FER: variants seen among roughly 807,000 people sequenced by gnomAD.
FER encodes FER tyrosine kinase.
A neutral mutation model predicts 111.0 loss-of-function variants in FER; 63 were observed. The observed-to-expected ratio is 0.57, with a 90% confidence interval of 0.46 to 0.70. FER has a LOEUF of 0.70. Ranked by LOEUF, FER falls within the 30% of genes least tolerant of loss-of-function variation. FER has a pLI of 0.00. For missense variants in FER, 914 were observed against 954.0 expected (o/e 0.96, Z 0.55); for synonymous variants, 327 against 313.9 (o/e 1.04, Z -0.44).
chr5:109,031,201 T>G (rs1769556294), intron 13 of FER, among the ~76,000 whole-genome samples: 2 of 151,894 alleles, frequency 1.3e-5, no homozygotes, highest in South Asian at 4.2e-4. Context: ...ATGTTGGGAG[T>G]CAAACTGCCT....
intron 16 of FER, among the ~76,000 whole-genome samples, chr5:109,089,741 C>T (rs1314213084): frequency 6.6e-6 from 1 of 152,204 alleles, no homozygotes; most frequent in Non-Finnish European, 1.5e-5. Context: ...TATTTCTCAG[C>T]TTGCAATTTC....
chr5:108,969,992 A>G (rs1345296860), intron 13 of FER, among the ~76,000 whole-genome samples: 1 of 147,946 alleles, frequency 6.8e-6, no homozygotes, highest in Non-Finnish European at 1.5e-5. Context: ...CTAAAATTAT[A>G]TTACATGCTA....
intron 10 of FER, among the ~76,000 whole-genome samples, chr5:108,901,588 T>C (rs757245884): frequency 6.6e-6 from 1 of 152,166 alleles, no homozygotes; most frequent in Non-Finnish European, 1.5e-5. Flanking sequence ...ATATAATAAA[T>C]AATAATCACT....
rs1561835692 is a variant in FER at position 109,055,623 on chromosome 5, A to AT, written c.1924+8425_1924+8426insT. ...AACGTAGTGAGATCCTGTCTCTATG[A>AT]CTTTTTTTTTTAAATTAACCAGACA... On this transcript the variant is annotated intron_variant, in intron 16 of 19. Transcript: ENST00000281092. 9.7e-3 allele frequency among the ~76,000 whole-genome samples: 1,468 copies of AT among 150,648 alleles called. 18 individuals carry two copies. Among genetic ancestry groups the AT allele is most frequent in the African/African-American group, 0.034 (1,392 of 41,148 alleles).
chr5:108,998,498 A>G (rs1485019022), intron 13 of FER, among the ~76,000 whole-genome samples: 1 of 152,158 alleles, frequency 6.6e-6, no homozygotes, highest in African/African-American at 2.4e-5. Flanking sequence ...AACCAGTCCC[A>G]GTGAGATGAA....
At chr5:109,040,571 T>C (rs1323835838) in intron 14 of FER, among the ~76,000 whole-genome samples, 1 of 152,232 alleles carries the variant, frequency 6.6e-6, no homozygotes, top group Middle Eastern at 3.4e-3. Flanking sequence ...CTTGGAATGC[T>C]TTAGGTGAAA....
chr5:109,087,634 A>G (rs191706831), intron 16 of FER, among the ~76,000 whole-genome samples: 1 of 96,050 alleles, frequency 1.0e-5, no homozygotes, highest in East Asian at 2.9e-4. Flanking sequence ...TGGGGTTGTC[A>G]TTGTAATCCT....
At chr5:108,785,528 T>A (rs181934801) in intron 2 of FER, 3 of 554,998 alleles carry the variant, frequency 5.4e-6, no homozygotes, top group South Asian at 4.2e-5. Context: ...GGTGTGAGTG[T>A]GGCAGGTGAC....
chr5:108,876,955 T>A (rs953035279), intron 8 of FER, among the ~76,000 whole-genome samples: 6 of 152,292 alleles, frequency 3.9e-5, no homozygotes, highest in Non-Finnish European at 8.8e-5. Context: ...TGAATCTTTG[T>A]TTTCTCTTTT....
chr5:108,748,498 A>ATGTG (rs1192332748), intron 1 of FER: 5 of 152,254 alleles, frequency 3.3e-5, no homozygotes, highest in Non-Finnish European at 5.9e-5. Context: ...GAGCCTCCCA[A>ATGTG]AGTTTCCTGT....
At chr5:108,787,151 C>G (rs77532321) in intron 2 of FER, among the ~76,000 whole-genome samples, 198 of 152,274 alleles carry the variant, frequency 1.3e-3, no homozygotes, top group Non-Finnish European at 2.4e-3. Context: ...GCTCTCACCC[C>G]CTGGCCTCTC....
At chr5:108,874,447 C>T (rs914345672) in intron 8 of FER, among the ~76,000 whole-genome samples, 19 of 152,222 alleles carry the variant, frequency 1.2e-4, no homozygotes, top group Admixed American at 3.3e-4. Flanking sequence ...TTTCATTTAA[C>T]AGTGTCTGTA....
intron 13 of FER, among the ~76,000 whole-genome samples, chr5:109,036,021 C>T (rs1027136868): frequency 3.9e-5 from 6 of 152,034 alleles, no homozygotes; most frequent in Non-Finnish European, 5.9e-5. Context: ...TGTTGAGATA[C>T]GAGTTTTGTA....
intron 17 of FER, among the ~76,000 whole-genome samples, chr5:109,161,387 A>C (rs556177673): frequency 6.6e-6 from 1 of 152,146 alleles, no homozygotes; most frequent in East Asian, 1.9e-4. Flanking sequence ...CACTAGACTT[A>C]CTGGGTTATT....
In FER at chr5:108,787,392, C is replaced by T. The variant is rs1009582470; in HGVS notation, c.-59-10732C>T. On this transcript the variant is annotated intron_variant, in intron 2 of 19. Coordinates refer to ENST00000281092, the MANE Select transcript of FER (RefSeq NM_005246.4). ...CTCTTGGGACAGTCAGTTTGGGTGCCGTGGATGGCATGTTAAAGGCAGACA... is the reference window on the plus strand; with the variant it reads ...CTCTTGGGACAGTCAGTTTGGGTGCTGTGGATGGCATGTTAAAGGCAGACA... Among the ~76,000 whole-genome samples the T allele has an allele frequency of 6.6e-5, 10 of 152,110 alleles. 1 individual carries two copies. Among genetic ancestry groups the T allele is most frequent in the African/African-American group, 1.4e-4 (6 of 41,418 alleles).
chr5:108,846,815 CT>C (rs1285654105), intron 5 of FER, among the ~76,000 whole-genome samples: 1 of 152,046 alleles, frequency 6.6e-6, no homozygotes, highest in Non-Finnish European at 1.5e-5. Context: ...GATCTCCTGA[CT>C]TTGTGATCTT....
intron 10 of FER, among the ~76,000 whole-genome samples, chr5:108,915,944 TC>T: frequency 6.6e-6 from 1 of 152,228 alleles, no homozygotes; most frequent in South Asian, 2.1e-4. Flanking sequence ...TTTCCCATAC[TC>T]CCCTGCTTGA....
chr5:109,117,031 G>A (rs1214820386), intron 17 of FER, among the ~76,000 whole-genome samples: 1 of 152,066 alleles, frequency 6.6e-6, no homozygotes, highest in South Asian at 2.1e-4. Context: ...CAGGCTTTTA[G>A]CTTTCCATTT....
intron 2 of FER, among the ~76,000 whole-genome samples, chr5:108,781,766 A>G (rs537241576): frequency 4.0e-4 from 61 of 152,032 alleles, no homozygotes; most frequent in Non-Finnish European, 6.3e-4. Context: ...GGTATTTCCT[A>G]TTTCCCTTCC....
Sources: gnomAD v4.1 joint callset for allele counts (sites outside exome capture counted in the v4.1 genomes callset) on GRCh38, gnomAD v4.1.1 for gene constraint, MANE v1.5 for transcripts, NCBI Gene and HGNC (gene_info 2026-07-23, HGNC 2026-07-21) for gene names.